Variants in FSIP2 observed in about 807,000 individuals in gnomAD.
The protein encoded by FSIP2 is fibrous sheath-interacting protein 2.
FSIP2 carries 367 observed loss-of-function variants against 510.5 expected under a neutral mutation model. The ratio of observed to expected loss-of-function variants is 0.72; its 90% confidence interval spans 0.66 to 0.78. The LOEUF (loss-of-function observed/expected upper bound fraction) is 0.78. FSIP2 is among the 30% of genes least tolerant of loss of function. The probability of loss-of-function intolerance (pLI) is 0.00; values close to 1 mark genes in which losing one functional copy is unlikely to be tolerated. For synonymous variants in FSIP2, 2,601 were observed against 2,732.2 expected (o/e 0.95, Z 1.50); for missense variants, 7,594 against 7,901.7 (o/e 0.96, Z 1.48).
chr2:185,758,653 T>G (rs1165969165), intron 9 of FSIP2, among the ~76,000 whole-genome samples: 1 of 151,030 alleles, frequency 6.6e-6, no homozygotes, highest in African/African-American at 2.4e-5. Flanking sequence ...CTAGAGGTAT[T>G]TTTGGCTTAA....
chr2:185,793,506 G>T lies in FSIP2; in HGVS notation c.6370G>T (p.Asp2124Tyr), dbSNP rs1045446473. 3.3e-6 allele frequency: 5 copies of T among 1,534,362 alleles called. No individual in the cohort carries two copies. In the Admixed American group the frequency reaches 5.9e-5, roughly 18 times the overall value. The change falls in exon 16 of 23, where the codon GAT (aspartate) becomes TAT (tyrosine). Residue 2124 changes from aspartate to tyrosine, a missense_variant. Asp to Tyr is a radical substitution (Grantham distance 160). Transcript: ENST00000424728. ...ACCCACTCTGAAATGTAGCATAGCT[G>T]ATAAACATTCAGAAGAAAATTCTGA... Reference protein sequence around the residue: ...ATPTLKCSIADKHSEENSEMF... With the variant: ...ATPTLKCSIAYKHSEENSEMF...
At chr2:185,743,328 GAAACCCT>G in intron 3 of FSIP2, 34 bp downstream of exon 3, 1 of 1,405,318 alleles carries the variant, frequency 7.1e-7, no homozygotes, top group Non-Finnish European at 9.4e-7. Flanking sequence ...TTTAATCAAT[GAAACCCT>G]TTAAAACTTG....
Position 185,807,208 on chromosome 2 carries a change from G to T in FSIP2, c.17902G>T (p.Asp5968Tyr), listed in dbSNP as rs984702785. ...ACGTCAGGTTAACTTGATATTTTGTGATGAGGTTTCAGTTTCAGCATGTTT... is the reference window on the plus strand; with the variant it reads ...ACGTCAGGTTAACTTGATATTTTGTTATGAGGTTTCAGTTTCAGCATGTTT... The part of the protein sequence containing the change: ...FQRQVNLIFC[D>Y]EVSVSACLPL... Residue 5968 changes from aspartate to tyrosine, a missense_variant, in exon 17 of 23, where the codon GAT becomes TAT. Coordinates refer to ENST00000424728, the MANE Select transcript of FSIP2 (RefSeq NM_173651.4). The T allele has an allele frequency of 6.2e-7, 1 of 1,603,834 alleles. No individual in the cohort carries two copies. The highest frequency in any genetic ancestry group is 1.1e-5 in the South Asian group (1 of 88,556).
chr2:185,810,537 CTTTTTT>C (rs11298474), intron 17 of FSIP2, among the ~76,000 whole-genome samples: 5 of 107,028 alleles, frequency 4.7e-5, no homozygotes, highest in African/African-American at 1.4e-4. Context: ...AGTTAAACCT[CTTTTTT>C]TTTTTTTTTT....
chr2:185,739,027 T>G, intron 1 of FSIP2, 34 bp downstream of exon 1: 1 of 1,521,316 alleles, frequency 6.6e-7, no homozygotes, highest in African/African-American at 1.4e-5. Flanking sequence ...CGTCGCCCTC[T>G]GGCGGCCGCA....
upstream of FSIP2, chr2:185,738,379 G>T: frequency 1.9e-6 from 1 of 525,368 alleles, no homozygotes. Context: ...GCAGGAGGAA[G>T]GCAATGAGCC....
chr2:185,801,713 C>A lies in FSIP2; in HGVS notation c.12407C>A (p.Thr4136Asn). ...SLPRSSSDYSTMLSHSFLEDV... is the reference protein window; with the variant it reads ...SLPRSSSDYSNMLSHSFLEDV... ...CCCAGGTCTTCATCAGACTATAGTA[C>A]CATGTTATCACATTCATTTTTAGAA... The change falls in exon 17 of 23, where the codon ACC becomes AAC. Residue 4136 changes from threonine (T) to asparagine (N), a missense_variant. Physicochemically the swap from Thr to Asn is moderately conservative, Grantham distance 65. Transcript: ENST00000424728. The A allele has an allele frequency of 4.6e-6, 7 of 1,530,400 alleles. No individual in the cohort carries two copies. The highest frequency in any genetic ancestry group is 6.1e-6 in the Non-Finnish European group (7 of 1,144,038). 94.8% of individuals were successfully genotyped at this position (1,530,400 alleles called of 1,614,324 possible).
intron 9 of FSIP2, among the ~76,000 whole-genome samples, chr2:185,756,535 A>G (rs2105549319): frequency 6.6e-6 from 1 of 151,620 alleles, no homozygotes; most frequent in African/African-American, 2.4e-5. Flanking sequence ...TTATGTTACT[A>G]TTAAATATAT....
At chr2:185,797,608 C>G in intron 16 of FSIP2, 82 bp downstream of exon 16, 1 of 1,378,038 alleles carries the variant, frequency 7.3e-7, no homozygotes, top group Non-Finnish European at 9.6e-7. Flanking sequence ...GATCTCCTGT[C>G]TAAAAAGCTG....
At chr2:185,812,966 T>C (rs1246389527) in intron 17 of FSIP2, among the ~76,000 whole-genome samples, 1 of 152,038 alleles carries the variant, frequency 6.6e-6, no homozygotes, top group Non-Finnish European at 1.5e-5. Flanking sequence ...GTCTTTAACA[T>C]TGACATTGGA....
Position 185,828,148 on chromosome 2 carries a change from C to A in FSIP2, c.20474-8C>A. 9 of 1,503,108 alleles carry A rather than the reference C, an allele frequency of 6.0e-6. No homozygotes were observed. The highest frequency in any genetic ancestry group is 2.8e-5 in the African/African-American group (2 of 70,620). The allele number at this position is 1,503,108 out of a possible 1,614,324, so 93.1% of individuals were successfully genotyped here. On this transcript the variant is annotated splice_region_variant and splice_polypyrimidine_tract_variant and intron_variant, in intron 20 of 22. Coordinates refer to ENST00000424728, the MANE Select transcript of FSIP2 (RefSeq NM_173651.4). ...ACTATTTTACTTTTTTTTTTTTAATCTCTACAGAAAGTTCTCAGGAACAAA... is the reference window on the plus strand; with the variant it reads ...ACTATTTTACTTTTTTTTTTTTAATATCTACAGAAAGTTCTCAGGAACAAA...
chr2:185,807,145 A>G lies in FSIP2; in HGVS notation c.17839A>G (p.Arg5947Gly). ...NINSNGENLA[R>G]RLTSAVINEI... ...AAACAGTAATGGAGAAAATTTAGCA[A>G]GAAGACTAACTAGTGCAGTGATAAA... is the stretch of plus-strand genomic sequence containing the variant. Residue 5947 changes from arginine (R) to glycine (G), a missense_variant, in exon 17 of 23, where the codon AGA becomes GGA. By Grantham distance (125) the Arg-to-Gly change is moderately radical (BLOSUM62 -2). Transcript: ENST00000424728. 6.2e-7 allele frequency: 1 copy of G among 1,601,768 alleles called. No homozygotes were observed. The highest frequency in any genetic ancestry group is 8.5e-7 in the Non-Finnish European group (1 of 1,175,916).
chr2:185,788,565 A>G, intron 15 of FSIP2, 78 bp from the exon 16 acceptor site: 4 of 969,048 alleles, frequency 4.1e-6, no homozygotes, highest in Non-Finnish European at 5.8e-6. Context: ...ATAAAAATTA[A>G]ATGTTACCTT....
At chr2:185,779,979 A>G (rs1692809651) in intron 13 of FSIP2, among the ~76,000 whole-genome samples, 1 of 150,546 alleles carries the variant, frequency 6.6e-6, no homozygotes, top group Admixed American at 6.6e-5. Flanking sequence ...AGGCTGAGGC[A>G]TAAGAATCAC....
intron 13 of FSIP2, among the ~76,000 whole-genome samples, chr2:185,772,996 G>T (rs1012636016): frequency 6.6e-6 from 1 of 151,982 alleles, no homozygotes; most frequent in Non-Finnish European, 1.5e-5. Flanking sequence ...AAATAGCTGA[G>T]ACTACAGACA....
At chr2:185,827,079 A>G (rs1413239833) in intron 20 of FSIP2, among the ~76,000 whole-genome samples, 1 of 151,770 alleles carries the variant, frequency 6.6e-6, no homozygotes, top group Non-Finnish European at 1.5e-5. Context: ...TTGTGTTTGG[A>G]ATCATTGCCC....
At chr2:185,825,740 T>C (rs1694003368) in intron 20 of FSIP2, among the ~76,000 whole-genome samples, 1 of 151,780 alleles carries the variant, frequency 6.6e-6, no homozygotes, top group South Asian at 2.1e-4. Flanking sequence ...CATCCAAAGA[T>C]TTGCTGAGTG....
rs776435662 is a variant in FSIP2, at chr2:185,793,569, C to T, written c.6433C>T (p.Leu2145Phe). The change falls in exon 16 of 23, where the codon CTT (leucine) becomes TTT (phenylalanine). Residue 2145 changes from leucine to phenylalanine, a missense_variant. Physicochemically the swap from Leu to Phe is conservative, Grantham distance 22. Transcript: ENST00000424728. ...MEGANKIIPK[L>F]SVPKSDVILI... Reference sequence around the variant, plus strand: ...GGGTGCAAATAAGATTATTCCTAAGCTTTCAGTTCCTAAATCAGATGTCAT... The same window carrying T: ...GGGTGCAAATAAGATTATTCCTAAGTTTTCAGTTCCTAAATCAGATGTCAT... 1 of 1,534,160 alleles carries T rather than the reference C, an allele frequency of 6.5e-7. No individual in the cohort carries two copies. Among genetic ancestry groups the T allele is most frequent in the South Asian group, 1.2e-5 (1 of 84,016 alleles).
At position 185,802,859 on chromosome 2, in the gene FSIP2, C is replaced by T. The variant is rs1693472545; in HGVS notation, c.13553C>T (p.Ser4518Phe). ...GTTAGTGATATTAGGATGAAAGTTT[C>T]CCAACATGAAATTCGATTTTCAAAA... ...NLVSDIRMKV[S>F]QHEIRFSKEE... The change falls in exon 17 of 23, where the codon TCC (serine) becomes TTC (phenylalanine). Residue 4518 changes from serine to phenylalanine, a missense_variant. Coordinates refer to ENST00000424728, the MANE Select transcript of FSIP2 (RefSeq NM_173651.4). The T allele has an allele frequency of 1.3e-6, 2 of 1,503,834 alleles. No individual in the cohort carries two copies. The highest frequency in any genetic ancestry group is 1.8e-6 in the Non-Finnish European group (2 of 1,135,034). 93.2% of individuals were successfully genotyped at this position (1,503,834 alleles called of 1,614,324 possible). A position where few individuals can be genotyped will look rare whatever the true frequency, so the allele number is the denominator to read the frequency against.
Sources: gnomAD v4.1 joint callset for allele counts (sites outside exome capture counted in the v4.1 genomes callset) on GRCh38, gnomAD v4.1.1 for gene constraint, MANE v1.5 for transcripts, NCBI Gene and HGNC (gene_info 2026-07-23, HGNC 2026-07-21) for gene names.